NEK11: variants seen among roughly 807,000 people sequenced by gnomAD.
NEK11 encodes serine/threonine-protein kinase Nek11.
Under a neutral mutation model 80.7 loss-of-function variants are expected in NEK11, and 72 were observed. The ratio of observed to expected loss-of-function variants is 0.89; its 90% CI spans 0.74 to 1.08. NEK11 has a LOEUF of 1.08. Ranked by LOEUF, NEK11 falls within the 50% of genes least tolerant of loss-of-function variation. NEK11 has a pLI of 0.00. For synonymous variants in NEK11, 251 were observed against 260.7 expected, an observed-to-expected ratio of 0.96 and a Z score of 0.36; for missense variants, 764 against 763.6, an observed-to-expected ratio of 1.00 and a Z score of -0.01.
chr3:131,109,197 A>G (rs1291948584), intron 4 of NEK11, among the ~76,000 whole-genome samples: 1 of 152,124 alleles, frequency 6.6e-6, no homozygotes, highest in African/African-American at 2.4e-5. Flanking sequence ...AGATTTTATG[A>G]AGTAACTACT....
At chr3:131,254,950 G>A (rs905199414) in intron 16 of NEK11, among the ~76,000 whole-genome samples, 3 of 151,868 alleles carry the variant, frequency 2.0e-5, no homozygotes, top group African/African-American at 7.3e-5. Flanking sequence ...AACCCAAGAG[G>A]TGGAGGTTGC....
intron 15 of NEK11, among the ~76,000 whole-genome samples, chr3:131,235,565 G>A (rs952232332): frequency 6.6e-6 from 1 of 152,118 alleles, no homozygotes; most frequent in Non-Finnish European, 1.5e-5. Flanking sequence ...TGTTGGGGGT[G>A]CATTGTTCCC....
intron 3 of NEK11, among the ~76,000 whole-genome samples, chr3:131,035,705 C>T (rs1038420019): frequency 6.6e-6 from 1 of 152,180 alleles, no homozygotes; most frequent in African/African-American, 2.4e-5. Context: ...GTGCACCCTC[C>T]CACCATTTTC....
chr3:131,210,324 T>G (rs956849128), intron 14 of NEK11, among the ~76,000 whole-genome samples: 5 of 152,246 alleles, frequency 3.3e-5, no homozygotes, highest in Admixed American at 6.5e-5. Context: ...TTGATTGCAC[T>G]GTGGTCTGAG....
At chr3:131,150,731 A>G (rs2089483045) in intron 7 of NEK11, among the ~76,000 whole-genome samples, 1 of 151,970 alleles carries the variant, frequency 6.6e-6, no homozygotes, top group Non-Finnish European at 1.5e-5. Flanking sequence ...ACCACAAGAT[A>G]TTGTTAATTT....
intron 16 of NEK11, among the ~76,000 whole-genome samples, chr3:131,269,276 C>T (rs1243085065): frequency 1.3e-5 from 2 of 152,134 alleles, no homozygotes; most frequent in Non-Finnish European, 1.5e-5. Flanking sequence ...GGGAAGTGAA[C>T]GATTTTGTCT....
chr3:131,034,737 T>C (rs749611135), intron 3 of NEK11, among the ~76,000 whole-genome samples: 1 of 152,176 alleles, frequency 6.6e-6, no homozygotes, highest in African/African-American at 2.4e-5. Context: ...GAGAGGAAAC[T>C]GAAGCAGTAG....
intron 5 of NEK11, among the ~76,000 whole-genome samples, chr3:131,131,168 C>T (rs1222587115): frequency 6.6e-6 from 1 of 152,170 alleles, no homozygotes; most frequent in Non-Finnish European, 1.5e-5. Context: ...ATCAGAGATA[C>T]TGGTTTTTAG....
intron 3 of NEK11, among the ~76,000 whole-genome samples, chr3:131,038,118 G>T (rs1410393516): frequency 5.3e-5 from 8 of 152,016 alleles, no homozygotes; most frequent in African/African-American, 1.7e-4. Flanking sequence ...AGTATAACAT[G>T]AAAGCATATT....
At chr3:131,277,253 T>A (rs1378238424) in intron 17 of NEK11, among the ~76,000 whole-genome samples, 2 of 152,208 alleles carry the variant, frequency 1.3e-5, no homozygotes, top group Non-Finnish European at 2.9e-5. Flanking sequence ...TTCCACCTGT[T>A]CTCACATGTT....
At chr3:131,224,795 T>A (rs550613852) in intron 14 of NEK11, among the ~76,000 whole-genome samples, 6 of 152,064 alleles carry the variant, frequency 3.9e-5, no homozygotes, top group Admixed American at 2.6e-4. Context: ...TTTAACAAAA[T>A]AGTTGAAAAA....
chr3:131,030,640 T>C (rs886893241), intron 3 of NEK11, among the ~76,000 whole-genome samples: 1 of 152,242 alleles, frequency 6.6e-6, no homozygotes, highest in Non-Finnish European at 1.5e-5. Flanking sequence ...ATTTTCAAAT[T>C]CCGTAGTCAG....
intron 5 of NEK11, among the ~76,000 whole-genome samples, chr3:131,120,527 C>T (rs968066499): frequency 1.3e-5 from 2 of 152,128 alleles, no homozygotes; most frequent in Non-Finnish European, 2.9e-5. Context: ...ATTGGCCTGC[C>T]TTGCTATATT....
intron 4 of NEK11, among the ~76,000 whole-genome samples, chr3:131,099,740 G>T (rs948822462): frequency 6.6e-6 from 1 of 152,036 alleles, no homozygotes; most frequent in African/African-American, 2.4e-5. Flanking sequence ...ATTTTAAATG[G>T]GATTGTGTTC....
intron 3 of NEK11, among the ~76,000 whole-genome samples, chr3:131,064,175 T>G (rs1489658239): frequency 6.6e-6 from 1 of 152,072 alleles, no homozygotes; most frequent in Non-Finnish European, 1.5e-5. Context: ...AGAGTGGGAA[T>G]GGGTAGTGAT....
intron 5 of NEK11, among the ~76,000 whole-genome samples, chr3:131,126,683 G>A (rs927100252): frequency 3.3e-5 from 5 of 151,988 alleles, no homozygotes; most frequent in Non-Finnish European, 7.4e-5. Flanking sequence ...GTGGATTTTT[G>A]TTTTAAATTC....
chr3:131,181,552 C>G (rs1206617187), intron 14 of NEK11, among the ~76,000 whole-genome samples: 1 of 152,014 alleles, frequency 6.6e-6, no homozygotes, highest in African/African-American at 2.4e-5. Flanking sequence ...GGAGACCATC[C>G]TGGCTAACAC....
chr3:131,261,643 G>A (rs182911792), intron 16 of NEK11, among the ~76,000 whole-genome samples: 1 of 152,062 alleles, frequency 6.6e-6, no homozygotes, highest in Non-Finnish European at 1.5e-5. Context: ...AATAACTGTG[G>A]TCCCCTAACT....
At chr3:131,183,285 A>C (rs1246840567) in intron 14 of NEK11, among the ~76,000 whole-genome samples, 1 of 152,234 alleles carries the variant, frequency 6.6e-6, no homozygotes, top group Non-Finnish European at 1.5e-5. Flanking sequence ...TTTTAAAATT[A>C]AATAAAATTT....
Sources: gnomAD v4.1 joint callset for allele counts (sites outside exome capture counted in the v4.1 genomes callset) on GRCh38, gnomAD v4.1.1 for gene constraint, MANE v1.5 for transcripts, NCBI Gene and HGNC (gene_info 2026-07-23, HGNC 2026-07-21) for gene names.